Variants in CACNA2D3 observed in about 807,000 individuals in gnomAD.
CACNA2D3 encodes the protein voltage-dependent calcium channel subunit alpha-2/delta-3.
A neutral mutation model predicts 160.6 loss-of-function variants in CACNA2D3; 60 were observed. The ratio of observed to expected loss-of-function variants is 0.37; its 90% CI spans 0.30 to 0.46. CACNA2D3 has a LOEUF of 0.46. CACNA2D3 is among the 20% of genes least tolerant of loss of function. The pLI, the probability that CACNA2D3 is intolerant of heterozygous loss-of-function variation, is 1.00. For missense variants in CACNA2D3, 1,205 were observed against 1,365.0 expected (o/e 0.88, Z 1.85); for synonymous variants, 558 against 492.9 (o/e 1.13, Z -1.75).
rs749619854 is a variant in CACNA2D3, at chr3:54,627,855, G to A, written c.1032G>A (p.Glu344=). 8.7e-6 allele frequency: 14 copies of A among 1,604,954 alleles called. No individual in the cohort carries two copies. The highest frequency in any genetic ancestry group is 1.1e-5 in the South Asian group (1 of 89,066). The change falls in exon 10 of 38, where the codon GAG becomes GAA. Residue 344 remains glutamate, a synonymous_variant. Transcript: ENST00000474759. Reference sequence around the variant, plus strand: ...GAATGTTGGATATAGCTCTGAATGAGGCCTTCAACATTCTGAGTGATGTAA... The same window carrying A: ...GAATGTTGGATATAGCTCTGAATGAAGCCTTCAACATTCTGAGTGATGTAA... ...GIGMLDIALN[E]AFNILSDFNH...
At chr3:54,504,601 C>T (rs182045182) in intron 5 of CACNA2D3, among the ~76,000 whole-genome samples, 2 of 152,248 alleles carry the variant, frequency 1.3e-5, no homozygotes, top group Admixed American at 6.5e-5. Flanking sequence ...AAGAACTATC[C>T]TCCTAGAAAA....
intron 11 of CACNA2D3, among the ~76,000 whole-genome samples, chr3:54,729,191 GA>G (rs1365513151): frequency 6.6e-6 from 1 of 152,116 alleles, no homozygotes; most frequent in Non-Finnish European, 1.5e-5. Flanking sequence ...AAAGTGCTGG[GA>G]TTATAGGTGT....
intron 4 of CACNA2D3, among the ~76,000 whole-genome samples, chr3:54,420,169 C>G (rs973206167): frequency 6.6e-6 from 1 of 152,088 alleles, no homozygotes; most frequent in African/African-American, 2.4e-5. Context: ...ATTGCACCCT[C>G]CGCCTCCTGA....
At chr3:54,752,726 G>A in intron 12 of CACNA2D3, 49 bp downstream of exon 12, 1 of 1,301,984 alleles carries the variant, frequency 7.7e-7, no homozygotes, top group Non-Finnish European at 1.1e-6. Flanking sequence ...ACCTACTTGT[G>A]CAGAATTAGG....
intron 12 of CACNA2D3, among the ~76,000 whole-genome samples, chr3:54,754,751 T>C (rs760034364): frequency 3.9e-5 from 6 of 152,140 alleles, no homozygotes; most frequent in Non-Finnish European, 7.4e-5. Flanking sequence ...AAAGTTCCAG[T>C]GTTTGGACTT....
chr3:55,007,934 A>G, intron 33 of CACNA2D3, 92 bp downstream of exon 33: 1 of 792,660 alleles, frequency 1.3e-6, no homozygotes. Flanking sequence ...TCATGCCTTC[A>G]ATAACCATTA....
At chr3:54,464,769 GC>G (rs988297968) in intron 4 of CACNA2D3, among the ~76,000 whole-genome samples, 1 of 152,212 alleles carries the variant, frequency 6.6e-6, no homozygotes, top group Admixed American at 6.5e-5. Context: ...AGCGCACGGT[GC>G]GCTGCACGCA....
intron 12 of CACNA2D3, among the ~76,000 whole-genome samples, chr3:54,753,020 C>G (rs139029392): frequency 6.6e-6 from 1 of 151,924 alleles, no homozygotes; most frequent in African/African-American, 2.4e-5. Flanking sequence ...ACCACAATAC[C>G]CAGCTAATTT....
At chr3:54,459,722 T>C (rs1272559005) in intron 4 of CACNA2D3, among the ~76,000 whole-genome samples, 31 of 152,286 alleles carry the variant, frequency 2.0e-4, no homozygotes, top group South Asian at 6.2e-4. Context: ...TTTTGTAGGT[T>C]GCCTGTTCAC....
intron 9 of CACNA2D3, among the ~76,000 whole-genome samples, chr3:54,609,937 A>G (rs575365640): frequency 5.3e-5 from 8 of 152,312 alleles, no homozygotes; most frequent in Admixed American, 2.0e-4. Flanking sequence ...TCTGGAGGCT[A>G]GAAGTTTGAA....
rs559087115 is a variant in CACNA2D3, at chr3:54,727,440, A to G, written c.1168-25159A>G. On this transcript the variant is annotated intron_variant, in intron 11 of 37. Transcript: ENST00000474759. ...CCAAAAGATTATAAATCATTCTGCT[A>G]TAAAGACACATGCACACATATGTTT... is the stretch of plus-strand genomic sequence containing the variant. Among the ~76,000 whole-genome samples the G allele has an allele frequency of 2.6e-5, 4 of 152,356 alleles. No individual in the cohort carries two copies. The South Asian group carries it at 6.2e-4, about 24-fold the overall frequency.
At chr3:54,295,770 G>T (rs1038999983) in intron 2 of CACNA2D3, among the ~76,000 whole-genome samples, 2 of 152,296 alleles carry the variant, frequency 1.3e-5, no homozygotes, top group South Asian at 2.1e-4. Flanking sequence ...TGTCCACAAA[G>T]AATTTCCTTG....
At chr3:54,170,139 G>A (rs530096515) in intron 2 of CACNA2D3, among the ~76,000 whole-genome samples, 1 of 149,834 alleles carries the variant, frequency 6.7e-6, no homozygotes, top group East Asian at 2.0e-4. Context: ...GCAGTGAGCC[G>A]AGATTGCGCT....
chr3:54,241,548 T>C (rs978770474), intron 2 of CACNA2D3, among the ~76,000 whole-genome samples: 6 of 151,994 alleles, frequency 3.9e-5, no homozygotes, highest in African/African-American at 1.4e-4. Flanking sequence ...GCAAACTGGG[T>C]TTTCTGGAGA....
At chr3:54,333,309 T>C (rs1704305986) in intron 3 of CACNA2D3, among the ~76,000 whole-genome samples, 3 of 152,136 alleles carry the variant, frequency 2.0e-5, no homozygotes, top group Admixed American at 1.3e-4. Context: ...AGGCATTCAC[T>C]GGAAGAGTTC....
chr3:54,338,123 A>G (rs1210660602), intron 3 of CACNA2D3, among the ~76,000 whole-genome samples: 1 of 152,232 alleles, frequency 6.6e-6, no homozygotes, highest in Non-Finnish European at 1.5e-5. Flanking sequence ...CTGTGCTATA[A>G]ATTGTCATCC....
intron 5 of CACNA2D3, among the ~76,000 whole-genome samples, chr3:54,505,699 AC>A (rs1438501080): frequency 6.6e-6 from 1 of 152,248 alleles, no homozygotes; most frequent in African/African-American, 2.4e-5. Context: ...GCAATTTCAG[AC>A]ATAAAACAAT....
At chr3:54,634,050 TCTCTC>T (rs1559533514) in intron 10 of CACNA2D3, among the ~76,000 whole-genome samples, 1 of 152,194 alleles carries the variant, frequency 6.6e-6, no homozygotes, top group Non-Finnish European at 1.5e-5. Context: ...TGTATGGTCT[TCTCTC>T]AAGTTACTGC....
intron 14 of CACNA2D3, among the ~76,000 whole-genome samples, chr3:54,823,322 T>C (rs1703682139): frequency 6.6e-6 from 1 of 152,160 alleles, no homozygotes; most frequent in South Asian, 2.1e-4. Flanking sequence ...ATACTATTTT[T>C]CCTGATTATT....
Sources: gnomAD v4.1 joint callset for allele counts (sites outside exome capture counted in the v4.1 genomes callset) on GRCh38, gnomAD v4.1.1 for gene constraint, MANE v1.5 for transcripts, NCBI Gene and HGNC (gene_info 2026-07-23, HGNC 2026-07-21) for gene names.